Variants in ADAM28 observed in about 807,000 individuals in gnomAD.
The protein encoded by ADAM28 is ADAM metallopeptidase domain 28, also known as disintegrin and metalloproteinase domain-containing protein 28.
Under a neutral mutation model 101.2 loss-of-function variants are expected in ADAM28, and 105 were observed. The observed-to-expected ratio is 1.04, with a 90% confidence interval of 0.89 to 1.22. The LOEUF is 1.22. ADAM28 is among the 50% of genes most tolerant of loss of function. The pLI, the probability that ADAM28 is intolerant of heterozygous loss-of-function variation, is 0.00. For synonymous variants in ADAM28, 322 were observed against 310.6 expected (o/e 1.04, Z -0.39); for missense variants, 1,028 against 945.4 (o/e 1.09, Z -1.15).
intron 14 of ADAM28, among the ~76,000 whole-genome samples, chr8:24,337,891 G>T (rs2129321002): frequency 6.6e-6 from 1 of 152,268 alleles, no homozygotes; most frequent in South Asian, 2.1e-4. Flanking sequence ...CAAATGTCCT[G>T]TAAAATTAAA....
intron 18 of ADAM28, among the ~76,000 whole-genome samples, chr8:24,345,002 TTAAAG>T (rs1238254896): frequency 1.3e-5 from 2 of 151,416 alleles, no homozygotes; most frequent in Non-Finnish European, 2.9e-5. Flanking sequence ...CATAACTCTG[TTAAAG>T]TAGATGTTTA....
rs1290565135 is a variant in ADAM28 at position 24,356,741 on chromosome 8, G to GTTAT, written c.*2340_*2343dup. On this transcript the variant is annotated 3_prime_UTR_variant, in exon 23 of 23. Transcript: ENST00000265769. ...GCCACCAAACCTGTTTTCATCATTAGTTATTTTTACCTTGTCTACTTTAAA... is the reference window on the plus strand; with the variant it reads ...GCCACCAAACCTGTTTTCATCATTAGTTATTTATTTTTACCTTGTCTACTTTAAA... 23 of 152,042 alleles carry GTTAT rather than the reference G, an allele frequency of 1.5e-4. No homozygotes were observed. The highest frequency in any genetic ancestry group is 5.3e-4 in the African/African-American group (22 of 41,394). The allele number at this position is 152,042 out of a possible 1,614,324, so 9.4% of individuals were successfully genotyped here.
Position 24,356,659 on chromosome 8 carries a change from G to GTAAC in ADAM28, c.*2257_*2260dup, listed in dbSNP as rs1816707099. 1 of 152,096 alleles carries GTAAC rather than the reference G, an allele frequency of 6.6e-6. No individual in the cohort carries two copies. The highest frequency in any genetic ancestry group is 2.4e-5 in the African/African-American group (1 of 41,420). 9.4% of individuals were successfully genotyped at this position (152,096 alleles called of 1,614,324 possible). A position where few individuals can be genotyped will look rare whatever the true frequency, so the allele number is the denominator to read the frequency against. ...ACTGTTTCCACACTTACTTATATCC[G>GTAAC]TAACTTTCTAACTTTAAGGGAATTC... On this transcript the variant is annotated 3_prime_UTR_variant, in exon 23 of 23. Transcript: ENST00000265769.
At chr8:24,351,898 T>C (rs1186757868) in intron 20 of ADAM28, 89 bp from the exon 21 acceptor site, 15 of 1,325,132 alleles carry the variant, frequency 1.1e-5, no homozygotes, top group Middle Eastern at 1.8e-4. Context: ...CAAGCTTCCA[T>C]GCCTTGAAAA....
chr8:24,354,045 C>A (rs2289042), intron 22 of ADAM28, among the ~76,000 whole-genome samples: 137,181 of 152,058 alleles, frequency 0.9, 62,096 homozygotes, highest in Non-Finnish European at 0.94. Flanking sequence ...ATGTAGACAC[C>A]AATATTATTT....
Position 24,349,850 on chromosome 8 carries a change from G to A in ADAM28, c.1991-14G>A, listed in dbSNP as rs774955339. 3 of 1,612,320 alleles carry A rather than the reference G, an allele frequency of 1.9e-6. No individual in the cohort carries two copies. The highest frequency in any genetic ancestry group is 1.7e-5 in the Admixed American group (1 of 59,968). On this transcript the variant is annotated splice_polypyrimidine_tract_variant and intron_variant, in intron 18 of 22. Coordinates refer to ENST00000265769, the MANE Select transcript of ADAM28 (RefSeq NM_014265.6). ...TTTCTGCAGTCCTCAGCGGGCCCCT[G>A]TTCTCTGCTGCAGACTTCTCCATTG...
intron 10 of ADAM28, among the ~76,000 whole-genome samples, chr8:24,329,250 G>A (rs1235927165): frequency 6.6e-6 from 1 of 152,106 alleles, no homozygotes; most frequent in Non-Finnish European, 1.5e-5. Flanking sequence ...CTCTTGTACT[G>A]TTCTTCATCA....
chr8:24,320,343 C>A, intron 7 of ADAM28, 36 bp downstream of exon 7: 1 of 1,308,224 alleles, frequency 7.6e-7, no homozygotes. Context: ...TCTTCCAAAA[C>A]TCCCACCCAC....
intron 11 of ADAM28, 65 bp downstream of exon 11, chr8:24,330,180 C>G: frequency 1.3e-6 from 2 of 1,525,786 alleles, no homozygotes; most frequent in Non-Finnish European, 1.8e-6. Flanking sequence ...GTGGGCTGTA[C>G]TACTTTAGGT....
intron 6 of ADAM28, among the ~76,000 whole-genome samples, chr8:24,314,655 A>G (rs1488423073): frequency 6.6e-6 from 1 of 152,054 alleles, no homozygotes; most frequent in Non-Finnish European, 1.5e-5. Flanking sequence ...AGTCAAACCC[A>G]GAATACTCCA....
rs71212527 is a variant in ADAM28 at position 24,336,039 on chromosome 8, GGT to G, written c.1567+418_1567+419del. On this transcript the variant is annotated intron_variant, in intron 14 of 22. Coordinates refer to ENST00000265769, the MANE Select transcript of ADAM28 (RefSeq NM_014265.6). ...ACCCTTGGAAATCTGTGTGTGTGCG[GGT>G]GTGTGTGTGTGTGTGTGTGCAGGGG... The G allele has an allele frequency of 8.9e-3, 6,228 of 701,624 alleles. 2 individuals are homozygous for G. The highest frequency in any genetic ancestry group is 9.7e-3 in the Non-Finnish European group (5,585 of 574,758). The allele number at this position is 701,624 out of a possible 1,614,324, so 43.5% of individuals were successfully genotyped here. A position where few individuals can be genotyped will look rare whatever the true frequency, so the allele number is the denominator to read the frequency against.
Position 24,310,248 on chromosome 8 carries a change from C to T in ADAM28, c.306+7C>T, listed in dbSNP as rs373736688. 1.5e-4 allele frequency: 247 copies of T among 1,610,256 alleles called. No individual in the cohort carries two copies. Among genetic ancestry groups the T allele is most frequent in the Non-Finnish European group, 2.0e-4 (234 of 1,177,012 alleles). On this transcript the variant is annotated splice_region_variant and intron_variant, in intron 4 of 22. Transcript: ENST00000265769. ...CACAAGCCCACAAATTATGGTATAA[C>T]GGAGTCTCTTCAATTCTTTAATTAG...
intron 14 of ADAM28, among the ~76,000 whole-genome samples, chr8:24,337,475 C>G (rs1418308008): frequency 6.6e-6 from 1 of 152,200 alleles, no homozygotes; most frequent in Non-Finnish European, 1.5e-5. Context: ...CTGTAAACTT[C>G]CTGGAACAGG....
At chr8:24,343,913 C>T (rs1052763888) in intron 18 of ADAM28, among the ~76,000 whole-genome samples, 14 of 149,694 alleles carry the variant, frequency 9.4e-5, no homozygotes, top group Admixed American at 3.3e-4. Context: ...TCAAAACTCT[C>T]TAAGAATATG....
intron 16 of ADAM28, among the ~76,000 whole-genome samples, chr8:24,342,691 C>T (rs1814922752): frequency 6.6e-6 from 1 of 152,028 alleles, no homozygotes; most frequent in Non-Finnish European, 1.5e-5. Context: ...CCTTTAAAGA[C>T]ATTGAGACAT....
chr8:24,299,712 C>A, intron 1 of ADAM28: 1 of 228,826 alleles, frequency 4.4e-6, no homozygotes, highest in South Asian at 1.3e-4. Flanking sequence ...AAAAGAAATA[C>A]TTTCTCTAAA....
At chr8:24,303,794 T>G (rs915885671) in intron 2 of ADAM28, among the ~76,000 whole-genome samples, 1 of 152,220 alleles carries the variant, frequency 6.6e-6, no homozygotes, top group South Asian at 2.1e-4. Context: ...TTTTTCCATT[T>G]GTTTGTGTCC....
intron 2 of ADAM28, among the ~76,000 whole-genome samples, chr8:24,304,044 C>T (rs1809206788): frequency 6.6e-6 from 1 of 151,862 alleles, no homozygotes; most frequent in Admixed American, 6.6e-5. Flanking sequence ...CACACACACA[C>T]ACATGCACGT....
At chr8:24,331,539 C>G (rs1241650036) in intron 12 of ADAM28, among the ~76,000 whole-genome samples, 33 of 152,082 alleles carry the variant, frequency 2.2e-4, no homozygotes, top group Admixed American at 2.2e-3. Context: ...GGTTTCCAAC[C>G]TCATTCCTTT....
Sources: gnomAD v4.1 joint callset for allele counts (sites outside exome capture counted in the v4.1 genomes callset) on GRCh38, gnomAD v4.1.1 for gene constraint, MANE v1.5 for transcripts, NCBI Gene and HGNC (gene_info 2026-07-23, HGNC 2026-07-21) for gene names.